The following DSCAM variants were observed in gnomAD, a reference collection of about 807,000 sequenced individuals.
DSCAM encodes the protein cell adhesion molecule DSCAM.
In DSCAM, 47 loss-of-function variants were observed where a neutral mutation model predicts 217.7. The observed-to-expected ratio is 0.22, with a 90% CI of 0.17 to 0.28. The LOEUF (loss-of-function observed/expected upper bound fraction) is 0.28. DSCAM is among the 10% of genes least tolerant of loss of function. The pLI is 1.00. For synonymous variants in DSCAM, 1,056 were observed against 1,015.3 expected (o/e 1.04, Z -0.76); for missense variants, 2,080 against 2,618.3 (o/e 0.79, Z 4.49).
At chr21:40,307,155 A>C (rs1463100183) in intron 9 of DSCAM, among the ~76,000 whole-genome samples, 2 of 151,922 alleles carry the variant, frequency 1.3e-5, no homozygotes, top group Non-Finnish European at 2.9e-5. Context: ...CAACCTACAA[A>C]ATGGGAGAAA....
chr21:40,037,543 T>C (rs1294098338), intron 32 of DSCAM, among the ~76,000 whole-genome samples: 6 of 148,234 alleles, frequency 4.0e-5, no homozygotes, highest in African/African-American at 5.2e-5. Flanking sequence ...AAGAACATTC[T>C]ATGCTCATGG....
intron 3 of DSCAM, among the ~76,000 whole-genome samples, chr21:40,592,107 G>A (rs1012617930): frequency 3.3e-5 from 5 of 152,254 alleles, no homozygotes; most frequent in Middle Eastern, 3.4e-3. Context: ...CAACATCCAG[G>A]AAGGCAGTAA....
At chr21:40,431,833 G>GT (rs1214330416) in intron 3 of DSCAM, among the ~76,000 whole-genome samples, 1 of 152,210 alleles carries the variant, frequency 6.6e-6, no homozygotes, top group Admixed American at 6.5e-5. Context: ...AACCGTACTA[G>GT]TTTCTTGTGG....
chr21:40,093,296 C>G (rs888618231), intron 21 of DSCAM, among the ~76,000 whole-genome samples: 7 of 152,320 alleles, frequency 4.6e-5, no homozygotes, highest in East Asian at 3.9e-4. Context: ...TTATAGCATT[C>G]TGTCAACAGA....
chr21:40,230,017 A>G (rs948515892), intron 11 of DSCAM, among the ~76,000 whole-genome samples: 7 of 152,216 alleles, frequency 4.6e-5, no homozygotes, highest in African/African-American at 1.7e-4. Context: ...AGATCTTTGG[A>G]TTTTAACTAT....
chr21:40,398,059 C>A (rs2222975), intron 3 of DSCAM, among the ~76,000 whole-genome samples: 3 of 152,108 alleles, frequency 2.0e-5, no homozygotes, highest in African/African-American at 4.8e-5. Context: ...GGAGGCTGTG[C>A]TGCACACAGT....
intron 30 of DSCAM, among the ~76,000 whole-genome samples, chr21:40,050,340 C>T (rs1325299491): frequency 6.6e-6 from 1 of 152,192 alleles, no homozygotes; most frequent in East Asian, 1.9e-4. Context: ...AAATCTAATC[C>T]TTTCAATATC....
intron 1 of DSCAM, among the ~76,000 whole-genome samples, chr21:40,837,343 A>C (rs2123669852): frequency 6.6e-6 from 1 of 152,318 alleles, no homozygotes; most frequent in East Asian, 1.9e-4. Flanking sequence ...TGATTAATAA[A>C]GGCTGATGAT....
chr21:40,402,233 A>AT (rs959836951), intron 3 of DSCAM, among the ~76,000 whole-genome samples: 27 of 148,770 alleles, frequency 1.8e-4, no homozygotes, highest in Admixed American at 2.7e-4. Flanking sequence ...CGCCCGGCTA[A>AT]TTTTTTTTTG....
In DSCAM at chr21:40,663,398, G is replaced by A. The variant is rs79775690; in HGVS notation, c.508+29412C>T. Among the ~76,000 whole-genome samples, 780 of 152,100 alleles carry A rather than the reference G, an allele frequency of 5.1e-3. 9 individuals are homozygous for A. Among genetic ancestry groups the A allele is most frequent in the African/African-American group, 0.018 (741 of 41,496 alleles). On this transcript the variant is annotated intron_variant, in intron 3 of 32. Transcript: ENST00000400454. ...ACACCTCCATATGCACAGGCCAGTCGCACACAACGTGGAATTGCCTGTGTT... is the reference window on the plus strand; with the variant it reads ...ACACCTCCATATGCACAGGCCAGTCACACACAACGTGGAATTGCCTGTGTT...
intron 1 of DSCAM, among the ~76,000 whole-genome samples, chr21:40,837,978 A>G (rs1010769139): frequency 1.3e-5 from 2 of 152,226 alleles, no homozygotes; most frequent in African/African-American, 4.8e-5. Flanking sequence ...CTGTATCTCT[A>G]TGGAACCCAA....
At chr21:40,037,730 A>C (rs1293573403) in intron 32 of DSCAM, among the ~76,000 whole-genome samples, 25 of 146,650 alleles carry the variant, frequency 1.7e-4, no homozygotes, top group Non-Finnish European at 3.2e-4. Context: ...GCCAAAAGAA[A>C]AAAGCTGGAG....
At chr21:40,573,942 T>C (rs1420338693) in intron 3 of DSCAM, among the ~76,000 whole-genome samples, 1 of 152,044 alleles carries the variant, frequency 6.6e-6, no homozygotes, top group Admixed American at 6.6e-5. Context: ...AAATAGAACA[T>C]CTAAATAGCC....
chr21:40,842,754 A>G (rs2092113390), intron 1 of DSCAM, among the ~76,000 whole-genome samples: 1 of 152,190 alleles, frequency 6.6e-6, no homozygotes. Context: ...TAGTTCCCCT[A>G]CCAGAATGCT....
intron 1 of DSCAM, among the ~76,000 whole-genome samples, chr21:40,782,006 A>G (rs1327433437): frequency 6.7e-6 from 1 of 149,624 alleles, no homozygotes; most frequent in Non-Finnish European, 1.5e-5. Context: ...AAAAAAAAAA[A>G]AAAAGAAAAA....
chr21:40,694,767 T>C (rs1019707177), intron 2 of DSCAM, among the ~76,000 whole-genome samples: 2 of 151,634 alleles, frequency 1.3e-5, no homozygotes, highest in Non-Finnish European at 1.5e-5. Context: ...AACAACATCC[T>C]TACACCGAGA....
At chr21:40,556,323 A>ATAC (rs2076671243) in intron 3 of DSCAM, among the ~76,000 whole-genome samples, 1 of 152,226 alleles carries the variant, frequency 6.6e-6, no homozygotes, top group African/African-American at 2.4e-5. Flanking sequence ...TACTGATAAC[A>ATAC]AAAACAGGCA....
At chr21:40,118,945 A>T (rs1356777616) in intron 20 of DSCAM, among the ~76,000 whole-genome samples, 1 of 152,114 alleles carries the variant, frequency 6.6e-6, no homozygotes, top group Non-Finnish European at 1.5e-5. Flanking sequence ...CCAGAATCTT[A>T]TGACAGATTC....
At position 40,556,337 on chromosome 21, in the gene DSCAM, AAC is replaced by A. The variant is rs2076671453; in HGVS notation, c.508+136471_508+136472del. 2.0e-5 allele frequency among the ~76,000 whole-genome samples: 3 copies of A among 152,352 alleles called. No homozygotes were observed. The South Asian group carries it at 6.2e-4, about 32-fold the overall frequency. On this transcript the variant is annotated intron_variant, in intron 3 of 32. Coordinates refer to ENST00000400454, the MANE Select transcript of DSCAM (RefSeq NM_001389.5). ...TTACTGATAACAAAAACAGGCAATT[AAC>A]ACATATTTTGTATGTTATCTGTATT...
Sources: gnomAD v4.1 joint callset for allele counts (sites outside exome capture counted in the v4.1 genomes callset) on GRCh38, gnomAD v4.1.1 for gene constraint, MANE v1.5 for transcripts, NCBI Gene and HGNC (gene_info 2026-07-23, HGNC 2026-07-21) for gene names.